The following OSBPL6 variants were observed in gnomAD, a reference collection of about 807,000 sequenced individuals.
OSBPL6 encodes oxysterol binding protein like 6, also known as oxysterol-binding protein-related protein 6.
In OSBPL6, 49 loss-of-function variants were observed where a neutral mutation model predicts 125.8. The observed-to-expected ratio is 0.39, with a 90% confidence interval of 0.31 to 0.49. OSBPL6 has a LOEUF of 0.49. Among genes scored for constraint, OSBPL6 ranks in the 20% least tolerant of loss-of-function variants. The probability of loss-of-function intolerance (pLI) is 0.88; values close to 1 mark genes in which losing one functional copy is unlikely to be tolerated. For synonymous variants in OSBPL6, 394 were observed against 391.8 expected (o/e 1.01, Z -0.07); for missense variants, 986 against 1,135.4 (o/e 0.87, Z 1.89).
At chr2:178,312,491 T>C (rs1440463136) in intron 3 of OSBPL6, among the ~76,000 whole-genome samples, 1 of 151,602 alleles carries the variant, frequency 6.6e-6, no homozygotes, top group African/African-American at 2.4e-5. Flanking sequence ...AGTTTCGCTT[T>C]GTTGCCCAGG....
intron 15 of OSBPL6, among the ~76,000 whole-genome samples, chr2:178,375,851 G>A (rs139070085): frequency 0.011 from 1,650 of 152,318 alleles, 14 homozygotes; most frequent in Non-Finnish European, 0.017. Context: ...GCACACCCCA[G>A]CTGGGACCCC....
chr2:178,208,437 C>T (rs1240751056), intron 1 of OSBPL6, among the ~76,000 whole-genome samples: 1 of 152,140 alleles, frequency 6.6e-6, no homozygotes, highest in Admixed American at 6.5e-5. Context: ...CTCTTTCAAA[C>T]CAATTATTAC....
chr2:178,224,322 C>A (rs1356609648), intron 1 of OSBPL6, among the ~76,000 whole-genome samples: 1 of 151,928 alleles, frequency 6.6e-6, no homozygotes, highest in Non-Finnish European at 1.5e-5. Context: ...CAGAAGTACA[C>A]CAAGAATGCA....
chr2:178,252,795 G>C (rs1259235231), intron 1 of OSBPL6, among the ~76,000 whole-genome samples: 1 of 152,144 alleles, frequency 6.6e-6, no homozygotes, highest in East Asian at 1.9e-4. Flanking sequence ...TTCCTGGCTT[G>C]ATGAAATAAC....
intron 1 of OSBPL6, among the ~76,000 whole-genome samples, chr2:178,230,980 G>A (rs2090791218): frequency 1.3e-5 from 2 of 152,142 alleles, no homozygotes; most frequent in Non-Finnish European, 2.9e-5. Context: ...GTTTGGGGTA[G>A]ATACCTGGGG....
Position 178,339,761 on chromosome 2 carries a change from G to A in OSBPL6, c.984G>A (p.Leu328=). 1 of 1,595,804 alleles carries A rather than the reference G, an allele frequency of 6.3e-7. No homozygotes were observed. The highest frequency in any genetic ancestry group is 1.1e-5 in the South Asian group (1 of 87,842). The stretch of plus-strand genomic sequence containing the variant: ...TCAGCAAAGATACAAAAATACAACT[G>A]CAGGTACAGATTTTACTTTTCCTTC... ...KSVSKDTKIQ[L]QVPFSATMSP... The change falls in exon 11 of 25, where the codon CTG becomes CTA. Residue 328 remains leucine, a synonymous_variant. Coordinates refer to ENST00000190611, the MANE Select transcript of OSBPL6 (RefSeq NM_032523.4).
At chr2:178,325,523 C>G (rs1267889060) in intron 4 of OSBPL6, among the ~76,000 whole-genome samples, 4 of 152,060 alleles carry the variant, frequency 2.6e-5, no homozygotes, top group African/African-American at 4.8e-5. Flanking sequence ...AGACTGTATA[C>G]CTGGTAAATA....
chr2:178,394,586 T>C, intron 24 of OSBPL6, 151 bp downstream of exon 24: 2 of 1,058,942 alleles, frequency 1.9e-6, no homozygotes, highest in South Asian at 3.4e-5. Context: ...TTTGCACTTA[T>C]GAAAAGTTAG....
chr2:178,271,972 G>A (rs1392841206), intron 1 of OSBPL6, among the ~76,000 whole-genome samples: 1 of 152,186 alleles, frequency 6.6e-6, no homozygotes, highest in Non-Finnish European at 1.5e-5. Context: ...GACTTAGATT[G>A]TTCTTTCAGG....
chr2:178,244,637 T>A (rs2091425397), intron 1 of OSBPL6, among the ~76,000 whole-genome samples: 1 of 152,228 alleles, frequency 6.6e-6, no homozygotes. Context: ...ATAGATATGC[T>A]TTTATAGTTT....
chr2:178,239,263 G>A (rs373363602), intron 1 of OSBPL6, among the ~76,000 whole-genome samples: 2 of 152,148 alleles, frequency 1.3e-5, no homozygotes, highest in Non-Finnish European at 2.9e-5. Flanking sequence ...CAAAGATGAG[G>A]GAAGATGAAA....
chr2:178,205,200 G>T (rs1304874981), intron 1 of OSBPL6, among the ~76,000 whole-genome samples: 1 of 152,202 alleles, frequency 6.6e-6, no homozygotes, highest in African/African-American at 2.4e-5. Context: ...GAGACAGTGA[G>T]CTGGGGGGAA....
intron 13 of OSBPL6, among the ~76,000 whole-genome samples, chr2:178,367,677 G>A (rs907163892): frequency 2.6e-5 from 4 of 152,182 alleles, no homozygotes; most frequent in African/African-American, 4.8e-5. Context: ...CTTCTTTTAC[G>A]CATTGGAAAG....
intron 15 of OSBPL6, among the ~76,000 whole-genome samples, chr2:178,379,285 A>AAAGAAAAAG (rs1694196347): frequency 7.1e-6 from 1 of 141,808 alleles, no homozygotes; most frequent in African/African-American, 2.6e-5. Context: ...GAAAGAAAGA[A>AAAGAAAAAG]AAGAAAGAAA....
At chr2:178,257,666 G>T (rs1001491700) in intron 1 of OSBPL6, among the ~76,000 whole-genome samples, 2 of 152,138 alleles carry the variant, frequency 1.3e-5, no homozygotes, top group East Asian at 1.9e-4. Context: ...AATAAGGTGT[G>T]CAGGGGTCAT....
intron 13 of OSBPL6, among the ~76,000 whole-genome samples, chr2:178,363,042 T>G (rs892449): frequency 0.99 from 150,232 of 152,342 alleles, 74,121 homozygotes; most frequent in Middle Eastern, 1. Context: ...GATCAAAATA[T>G]TGGTCAAGTA....
intron 12 of OSBPL6, among the ~76,000 whole-genome samples, chr2:178,357,444 A>G (rs1323810712): frequency 6.6e-6 from 1 of 152,208 alleles, no homozygotes; most frequent in Non-Finnish European, 1.5e-5. Context: ...GACACTTCTC[A>G]AAAGAAGACA....
chr2:178,240,162 G>A (rs997057228), intron 1 of OSBPL6, among the ~76,000 whole-genome samples: 1 of 152,092 alleles, frequency 6.6e-6, no homozygotes, highest in Non-Finnish European at 1.5e-5. Flanking sequence ...TTTTTAACGG[G>A]TACATAGTTT....
chr2:178,395,503 T>C lies in OSBPL6; in HGVS notation c.2749T>C (p.Trp917Arg). 3 of 1,613,896 alleles carry C rather than the reference T, an allele frequency of 1.9e-6. No homozygotes were observed. The highest frequency in any genetic ancestry group is 2.5e-6 in the Non-Finnish European group (3 of 1,179,836). Residue 917 changes from tryptophan to arginine, a missense_variant, in exon 25 of 25, where the codon TGG becomes CGG. Transcript: ENST00000190611. ...REAWVSNDTY[W>R]ELRKDPGFSK... Reference sequence around the variant, plus strand: ...AGCCTGGGTTTCTAACGACACCTACTGGGAGCTTCGAAAGGACCCTGGGTT... The same window carrying C: ...AGCCTGGGTTTCTAACGACACCTACCGGGAGCTTCGAAAGGACCCTGGGTT...
Sources: gnomAD v4.1 joint callset for allele counts (sites outside exome capture counted in the v4.1 genomes callset) on GRCh38, gnomAD v4.1.1 for gene constraint, MANE v1.5 for transcripts, NCBI Gene and HGNC (gene_info 2026-07-23, HGNC 2026-07-21) for gene names.